DCC: variants seen among roughly 807,000 people sequenced by gnomAD.
DCC encodes DCC netrin 1 receptor, also known as netrin receptor DCC.
A neutral mutation model predicts 172.5 loss-of-function variants in DCC; 58 were observed. The observed-to-expected ratio is 0.34, with a 90% CI of 0.27 to 0.42. DCC has a LOEUF of 0.42. DCC is among the 10% of genes least tolerant of loss of function. The pLI is 1.00. For missense variants in DCC, 1,740 were observed against 1,791.0 expected, an observed-to-expected ratio of 0.97 and a Z score of 0.51; for synonymous variants, 709 against 644.5, an observed-to-expected ratio of 1.10 and a Z score of -1.52.
intron 12 of DCC, among the ~76,000 whole-genome samples, chr18:53,254,311 C>T (rs1337390541): frequency 2.6e-5 from 4 of 151,986 alleles, no homozygotes; most frequent in Admixed American, 6.6e-5. Context: ...GTTTCAGATT[C>T]GCCTATTACT....
chr18:52,816,410 G>T (rs556023742), intron 2 of DCC, among the ~76,000 whole-genome samples: 1 of 152,162 alleles, frequency 6.6e-6, no homozygotes, highest in African/African-American at 2.4e-5. Context: ...GCAAGAAAGT[G>T]CCTTCCTGCT....
intron 1 of DCC, among the ~76,000 whole-genome samples, chr18:52,423,617 A>G (rs1202252970): frequency 2.0e-5 from 3 of 152,188 alleles, no homozygotes; most frequent in African/African-American, 7.2e-5. Flanking sequence ...ATTCTAGTCA[A>G]AAAATGACAA....
chr18:53,169,598 A>G (rs769518780), intron 8 of DCC, among the ~76,000 whole-genome samples: 2 of 152,202 alleles, frequency 1.3e-5, no homozygotes, highest in Non-Finnish European at 2.9e-5. Flanking sequence ...CTGACAATCC[A>G]TCTGGTGTTA....
At chr18:52,699,116 G>T (rs2036062566) in intron 1 of DCC, among the ~76,000 whole-genome samples, 1 of 152,168 alleles carries the variant, frequency 6.6e-6, no homozygotes, top group Non-Finnish European at 1.5e-5. Context: ...TAAATTCACA[G>T]AATTACAACA....
Position 52,752,273 on chromosome 18 carries a change from A to G in DCC, c.311A>G (p.His104Arg). 3.1e-6 allele frequency: 5 copies of G among 1,614,162 alleles called. No homozygotes were observed. The highest frequency in any genetic ancestry group is 3.4e-6 in the Non-Finnish European group (4 of 1,180,030). Residue 104 changes from histidine to arginine, a missense_variant, in exon 2 of 29, where the codon CAT becomes CGT. Physicochemically the swap from His to Arg is conservative, Grantham distance 29 (BLOSUM62 0). Coordinates refer to ENST00000442544, the MANE Select transcript of DCC (RefSeq NM_005215.4). ...TCTCTGCTGATACAAAACATACTTC[A>G]TTCCAGACACCACAAGCCAGATGAG... ...NGSLLIQNIL[H>R]SRHHKPDEGL... is the part of the protein sequence containing the mutation.
At chr18:53,240,694 T>G (rs1387868820) in intron 12 of DCC, among the ~76,000 whole-genome samples, 1 of 152,224 alleles carries the variant, frequency 6.6e-6, no homozygotes, top group Non-Finnish European at 1.5e-5. Flanking sequence ...TCGTTGGGAC[T>G]AAATAAGATA....
At chr18:53,014,554 C>T (rs1303124816) in intron 5 of DCC, among the ~76,000 whole-genome samples, 1 of 149,498 alleles carries the variant, frequency 6.7e-6, no homozygotes, top group Non-Finnish European at 1.5e-5. Flanking sequence ...GTTTTTTGTC[C>T]TTGCGATAGT....
chr18:52,667,482 A>G (rs2035476581), intron 1 of DCC, among the ~76,000 whole-genome samples: 3 of 152,214 alleles, frequency 2.0e-5, no homozygotes, highest in Admixed American at 2.0e-4. Context: ...CAGACCTTGC[A>G]GGAGACATTA....
intron 5 of DCC, among the ~76,000 whole-genome samples, chr18:52,969,446 T>C (rs946931284): frequency 6.6e-6 from 1 of 152,146 alleles, no homozygotes; most frequent in African/African-American, 2.4e-5. Flanking sequence ...CCATTGACCA[T>C]TGCCTCAATC....
At chr18:52,447,334 C>G (rs1178275002) in intron 1 of DCC, among the ~76,000 whole-genome samples, 1 of 152,188 alleles carries the variant, frequency 6.6e-6, no homozygotes, top group Admixed American at 6.5e-5. Context: ...TTCAATAAAT[C>G]ATCATAGTTG....
At chr18:53,303,801 G>T (rs980872444) in intron 12 of DCC, among the ~76,000 whole-genome samples, 26 of 152,144 alleles carry the variant, frequency 1.7e-4, no homozygotes, top group Admixed American at 1.7e-3. Context: ...CAGCTTAAGT[G>T]TTAACCAGCT....
chr18:52,442,448 G>T (rs1160236241), intron 1 of DCC, among the ~76,000 whole-genome samples: 1 of 152,112 alleles, frequency 6.6e-6, no homozygotes, highest in Non-Finnish European at 1.5e-5. Context: ...GAGCTTATAG[G>T]TTACTTAGAC....
At chr18:53,516,981 A>T (rs1383934797) in intron 27 of DCC, among the ~76,000 whole-genome samples, 2 of 145,094 alleles carry the variant, frequency 1.4e-5, no homozygotes, top group Non-Finnish European at 3.0e-5. Context: ...TCATGCTGCT[A>T]TAAAGACACA....
intron 15 of DCC, among the ~76,000 whole-genome samples, chr18:53,367,267 CA>C (rs1444546055): frequency 3.0e-5 from 4 of 133,254 alleles, no homozygotes; most frequent in Non-Finnish European, 7.3e-5. Flanking sequence ...GCTTATGCTT[CA>C]AAGAAAAAAA....
At chr18:53,407,280 G>C (rs1034443349) in intron 19 of DCC, among the ~76,000 whole-genome samples, 5 of 151,618 alleles carry the variant, frequency 3.3e-5, no homozygotes, top group African/African-American at 1.2e-4. Flanking sequence ...TAAAACTTAT[G>C]TACTTACAGG....
At chr18:53,206,328 AAC>A (rs1399572772) in intron 10 of DCC, among the ~76,000 whole-genome samples, 1 of 84,712 alleles carries the variant, frequency 1.2e-5, no homozygotes, top group African/African-American at 4.8e-5. Flanking sequence ...TATGTATTGT[AAC>A]ACATATATGT....
intron 5 of DCC, among the ~76,000 whole-genome samples, chr18:53,002,701 A>G (rs1400268338): frequency 6.6e-6 from 1 of 152,152 alleles, no homozygotes; most frequent in Non-Finnish European, 1.5e-5. Context: ...GTACATGTGC[A>G]CAACGTGCAG....
In DCC at chr18:53,529,024, TCTCTCTCTCTCTCTCACACACACACA is replaced by T. The variant is rs764976501; in HGVS notation, c.4255-1538_4255-1513del. On this transcript the variant is annotated intron_variant, in intron 28 of 28. Transcript: ENST00000442544. ...CAACTTCTCTCTCTCTCTCTCTCTC[TCTCTCTCTCTCTCTCACACACACACA>T]CACACACACACACACACACACACAC... Among the ~76,000 whole-genome samples the T allele has an allele frequency of 7.7e-3, 637 of 82,998 alleles. 2 individuals are homozygous for T. Among genetic ancestry groups the T allele is most frequent in the East Asian group, 0.038 (73 of 1,928 alleles). The allele number at this position is 82,998 out of a possible 152,430, so 54.4% of individuals were successfully genotyped here.
chr18:52,505,873 GT>G (rs1280649972), intron 1 of DCC, among the ~76,000 whole-genome samples: 16 of 152,166 alleles, frequency 1.1e-4, no homozygotes, highest in Admixed American at 1.0e-3. Flanking sequence ...TGAAACAGCT[GT>G]AATATTTTTG....
Sources: allele counts gnomAD v4.1 joint callset (sites outside exome capture counted in the v4.1 genomes callset), GRCh38; gene constraint gnomAD v4.1.1; transcripts MANE v1.5; gene names NCBI Gene and HGNC (gene_info 2026-07-23, HGNC 2026-07-21).